Variants in OPRM1 observed in about 807,000 individuals in gnomAD.
OPRM1 encodes the protein opioid receptor mu 1, also known as mu-type opioid receptor.
In OPRM1, 27 loss-of-function variants were observed where a neutral mutation model predicts 31.8. That is an observed-to-expected ratio of 0.85 (90% CI 0.63 to 1.17). The LOEUF (loss-of-function observed/expected upper bound fraction) is 1.17. Ranked by LOEUF, OPRM1 falls within the 50% of genes most tolerant of loss-of-function variation. The probability of loss-of-function intolerance (pLI) is 0.00; values close to 1 mark genes in which losing one functional copy is unlikely to be tolerated. For missense variants in OPRM1, 536 were observed against 511.1 expected (o/e 1.05, Z -0.47); for synonymous variants, 196 against 189.9 (o/e 1.03, Z -0.26).
chr6:154,110,375 G>A, intron 3 of OPRM1: 1 of 1,486,806 alleles, frequency 6.7e-7, no homozygotes, highest in East Asian at 2.5e-5. Flanking sequence ...TATTTCAAAA[G>A]TCATCTTTAC....
At chr6:154,079,370 G>A (rs1788587833) in intron 1 of OPRM1, among the ~76,000 whole-genome samples, 1 of 152,180 alleles carries the variant, frequency 6.6e-6, no homozygotes, top group Admixed American at 6.5e-5. Flanking sequence ...GTGCCAGCCA[G>A]AGGCACCTGC....
intron 3 of OPRM1, among the ~76,000 whole-genome samples, chr6:154,203,655 C>T (rs919636985): frequency 1.3e-5 from 2 of 152,134 alleles, no homozygotes; most frequent in African/African-American, 4.8e-5. Flanking sequence ...AACTAAACCC[C>T]CACAGATACC....
intron 1 of OPRM1, among the ~76,000 whole-genome samples, chr6:154,088,115 T>C (rs1292192644): frequency 6.6e-6 from 1 of 151,020 alleles, no homozygotes; most frequent in Non-Finnish European, 1.5e-5. Flanking sequence ...AATGCATAAG[T>C]AATACTACTT....
chr6:154,144,238 C>T (rs1017491567), intron 3 of OPRM1, among the ~76,000 whole-genome samples: 4 of 152,008 alleles, frequency 2.6e-5, no homozygotes, highest in South Asian at 4.1e-4. Context: ...TTCTACTAAA[C>T]GTTTAAAGAA....
chr6:154,120,857 T>C lies in OPRM1; in HGVS notation c.*2136T>C, dbSNP rs1450670173. Among the ~76,000 whole-genome samples the C allele has an allele frequency of 6.6e-6, 1 of 152,190 alleles. No homozygotes were observed. The highest frequency in any genetic ancestry group is 2.4e-5 in the African/African-American group (1 of 41,458). ...GACCTGATCTATCTTTTTCCACAAA[T>C]GTCATGTGTGTGAACAAGTTTCTTC... On this transcript the variant is annotated 3_prime_UTR_variant, in exon 4 of 4. Coordinates refer to ENST00000330432, the MANE Select transcript of OPRM1 (RefSeq NM_000914.5).
At chr6:154,021,489 A>T (rs1778362935) in intron 1 of OPRM1, among the ~76,000 whole-genome samples, 1 of 152,188 alleles carries the variant, frequency 6.6e-6, no homozygotes, top group Admixed American at 6.5e-5. Flanking sequence ...GTTGATATTC[A>T]GGAAATTATT....
intron 3 of OPRM1, among the ~76,000 whole-genome samples, chr6:154,202,548 C>T (rs939748923): frequency 3.9e-5 from 6 of 152,128 alleles, no homozygotes; most frequent in Non-Finnish European, 7.4e-5. Flanking sequence ...TTCCTTTTTT[C>T]GAAACAACAC....
At chr6:154,034,531 G>T (rs995361096), upstream of OPRM1, among the ~76,000 whole-genome samples, 3 of 152,140 alleles carry the variant, frequency 2.0e-5, no homozygotes, top group African/African-American at 7.2e-5. Flanking sequence ...CTGGGCGACA[G>T]AGTGAGACTC....
intron 1 of OPRM1, among the ~76,000 whole-genome samples, chr6:154,088,321 G>A (rs1791154149): frequency 6.6e-6 from 1 of 152,170 alleles, no homozygotes; most frequent in Admixed American, 6.5e-5. Context: ...AATAGTGAGG[G>A]TTGGATATGA....
intron 1 of OPRM1, among the ~76,000 whole-genome samples, chr6:154,021,946 A>G (rs1051170682): frequency 6.6e-6 from 1 of 151,956 alleles, no homozygotes; most frequent in Non-Finnish European, 1.5e-5. Flanking sequence ...CAATCTGTAT[A>G]CTTTTTACTT....
intron 1 of OPRM1, among the ~76,000 whole-genome samples, chr6:154,081,158 T>C (rs1789020205): frequency 6.6e-6 from 1 of 151,390 alleles, no homozygotes; most frequent in Admixed American, 6.6e-5. Flanking sequence ...AACAGAGAGG[T>C]TGTGAGTCAG....
intron 1 of OPRM1, among the ~76,000 whole-genome samples, chr6:154,050,775 T>C (rs527434): frequency 0.33 from 50,145 of 152,022 alleles, 9,428 homozygotes; most frequent in African/African-American, 0.52. Flanking sequence ...ATTGGATTGT[T>C]ACTCAAAGGA....
intron 3 of OPRM1, among the ~76,000 whole-genome samples, chr6:154,210,170 G>A (rs1001058529): frequency 6.6e-6 from 1 of 152,188 alleles, no homozygotes; most frequent in Non-Finnish European, 1.5e-5. Flanking sequence ...GGCCCTCCAT[G>A]ATATGGCTAC....
At chr6:154,038,515 T>C (rs1303808763), upstream of OPRM1, among the ~76,000 whole-genome samples, 1 of 152,216 alleles carries the variant, frequency 6.6e-6, no homozygotes, top group Non-Finnish European at 1.5e-5. Context: ...GAAAACAGAC[T>C]GAATGCAAAT....
chr6:154,011,075 A>G (rs990554046), intron 1 of OPRM1: 7 of 1,282,110 alleles, frequency 5.5e-6, no homozygotes, highest in Non-Finnish European at 6.1e-6. Context: ...ATTTGCTGGA[A>G]GAGGAGGAGT....
intron 1 of OPRM1, among the ~76,000 whole-genome samples, chr6:154,012,697 G>A (rs903426678): frequency 1.1e-4 from 17 of 152,114 alleles, no homozygotes; most frequent in African/African-American, 3.9e-4. Context: ...TGAAATGTGG[G>A]TGTCTCAATC....
At chr6:154,011,310 T>C (rs1032684199) in intron 1 of OPRM1, among the ~76,000 whole-genome samples, 1 of 152,176 alleles carries the variant, frequency 6.6e-6, no homozygotes, top group Admixed American at 6.5e-5. Flanking sequence ...GGAGTTCCTA[T>C]GGTGACTTCT....
Position 154,180,712 on chromosome 6 carries a change from T to C in OPRM1, c.1165-65981T>C, listed in dbSNP as rs536883618. Among the ~76,000 whole-genome samples, 226 of 152,290 alleles carry C rather than the reference T, an allele frequency of 1.5e-3. 3 individuals are homozygous for C. Among genetic ancestry groups the C allele is most frequent in the African/African-American group, 5.3e-3 (219 of 41,568 alleles). On this transcript the variant is annotated intron_variant, in intron 3 of 3. Coordinates refer to the OPRM1 transcript ENST00000337049. Reference sequence around the variant, plus strand: ...TGGTCTTTCCTTGTGCTTTCTAGAATGTGGCTGTTTATTTTCTACTTAGAA... The same window carrying C: ...TGGTCTTTCCTTGTGCTTTCTAGAACGTGGCTGTTTATTTTCTACTTAGAA...
intron 1 of OPRM1, among the ~76,000 whole-genome samples, chr6:154,040,098 T>TG (rs1157516269): frequency 6.6e-5 from 10 of 151,146 alleles, no homozygotes; most frequent in Admixed American, 3.3e-4. Flanking sequence ...TGTCTAGGGG[T>TG]GGGGGGCGGA....
Sources: gnomAD v4.1 joint callset for allele counts (sites outside exome capture counted in the v4.1 genomes callset) on GRCh38, gnomAD v4.1.1 for gene constraint, MANE v1.5 for transcripts, NCBI Gene and HGNC (gene_info 2026-07-23, HGNC 2026-07-21) for gene names.